Variants in LEPR observed in about 807,000 individuals in gnomAD.
The protein encoded by LEPR is OB receptor.
A neutral mutation model predicts 114.7 loss-of-function variants in LEPR; 56 were observed. The ratio of observed to expected loss-of-function variants is 0.49; its 90% CI spans 0.39 to 0.61. The LOEUF (loss-of-function observed/expected upper bound fraction) is 0.61, where lower values mean the gene tolerates loss of function less well. Among genes scored for constraint, LEPR ranks in the 20% least tolerant of loss-of-function variants. The pLI is 0.00. For missense variants in LEPR, 1,202 were observed against 1,352.9 expected (o/e 0.89, Z 1.75); for synonymous variants, 443 against 461.4 (o/e 0.96, Z 0.51).
chr1:65,615,918 A>G, intron 14 of LEPR, 90 bp from the exon 15 acceptor site: 1 of 1,558,362 alleles, frequency 6.4e-7, no homozygotes, highest in Non-Finnish European at 8.8e-7. Flanking sequence ...CTGCCTCCTA[A>G]TAAGAAATGT....
At chr1:65,630,419 A>AG (rs1421159705) in intron 19 of LEPR, 1 of 140,100 alleles carries the variant, frequency 7.1e-6, no homozygotes, top group Non-Finnish European at 1.5e-5. Flanking sequence ...ATAAAAAAAA[A>AG]AAAGAAAGAA....
At chr1:65,466,440 G>T (rs1199334255) in intron 2 of LEPR, among the ~76,000 whole-genome samples, 1 of 152,108 alleles carries the variant, frequency 6.6e-6, no homozygotes. Flanking sequence ...TGACCTTTCT[G>T]TCTGGCTGCC....
intron 19 of LEPR, chr1:65,634,704 T>C (rs1658653148): frequency 6.3e-6 from 6 of 957,346 alleles, no homozygotes; most frequent in Non-Finnish European, 7.5e-6. Flanking sequence ...TATGGTTTTT[T>C]TGTATGTATT....
chr1:65,433,515 A>G (rs1646516667), intron 2 of LEPR: 2 of 985,344 alleles, frequency 2.0e-6, no homozygotes, highest in Non-Finnish European at 2.4e-6. Context: ...AAACTGAAAT[A>G]CATTCAAAAC....
chr1:65,545,871 A>T (rs1478733176), intron 2 of LEPR, among the ~76,000 whole-genome samples: 1 of 151,750 alleles, frequency 6.6e-6, no homozygotes, highest in Non-Finnish European at 1.5e-5. Flanking sequence ...TTTAGACATG[A>T]AGTCCTTGCC....
chr1:65,439,009 G>T (rs928187840), intron 2 of LEPR, among the ~76,000 whole-genome samples: 2 of 152,124 alleles, frequency 1.3e-5, no homozygotes, highest in African/African-American at 4.8e-5. Flanking sequence ...TTTTAACCAG[G>T]TTAAAATATT....
Position 65,636,279 on chromosome 1 carries a change from A to G in LEPR, c.2762A>G (p.Asp921Gly). The G allele has an allele frequency of 1.2e-6, 2 of 1,613,972 alleles. No homozygotes were observed. The highest frequency in any genetic ancestry group is 8.5e-7 in the Non-Finnish European group (1 of 1,179,914). ...TTGGAGCCTGAAACAATTTCAGAAGATATCAGTGTTGATACATCATGGAAA... is the reference window on the plus strand; with the variant it reads ...TTGGAGCCTGAAACAATTTCAGAAGGTATCAGTGTTGATACATCATGGAAA... ...LLLEPETISE[D>G]ISVDTSWKNK... Residue 921 changes from aspartate (D) to glycine (G), a missense_variant, in exon 20 of 20, where the codon GAT becomes GGT. Asp to Gly is a moderately conservative substitution (Grantham distance 94). Coordinates refer to ENST00000349533, the MANE Select transcript of LEPR (RefSeq NM_002303.6).
intron 11 of LEPR, 35 bp downstream of exon 11, chr1:65,605,272 AGCAGATTTGTAT>A (rs771416749): frequency 6.2e-7 from 1 of 1,610,872 alleles, no homozygotes; most frequent in Middle Eastern, 1.7e-4. Context: ...CATTTGTGTT[AGCAGATTTGTAT>A]GCAGATTGAT....
At chr1:65,440,284 TAATTA>T (rs1271475498) in intron 2 of LEPR, among the ~76,000 whole-genome samples, 2 of 151,828 alleles carry the variant, frequency 1.3e-5, no homozygotes, top group African/African-American at 4.8e-5. Flanking sequence ...GTGCTCAACA[TAATTA>T]TATTATTCTA....
chr1:65,490,557 G>A lies in LEPR; in HGVS notation c.-21+65179G>A, dbSNP rs141548749. Among the ~76,000 whole-genome samples, 249 of 152,072 alleles carry A rather than the reference G, an allele frequency of 1.6e-3. 1 individual carries two copies. The Middle Eastern group carries it at 0.02, about 12-fold the overall frequency. On this transcript the variant is annotated intron_variant, in intron 2 of 19. Coordinates refer to ENST00000349533, the MANE Select transcript of LEPR (RefSeq NM_002303.6). ...CTGTGGGTTTTCTGAACTTTTCCCCGTTCAATCCTAGTGGTTTCAATCTGG... is the reference window on the plus strand; with the variant it reads ...CTGTGGGTTTTCTGAACTTTTCCCCATTCAATCCTAGTGGTTTCAATCTGG...
At chr1:65,548,142 T>G (rs1164900064) in intron 2 of LEPR, among the ~76,000 whole-genome samples, 2 of 152,192 alleles carry the variant, frequency 1.3e-5, no homozygotes, top group Admixed American at 1.3e-4. Flanking sequence ...GAATCCTCAG[T>G]TCTAGTTTGA....
In LEPR at chr1:65,605,027, A is replaced by G. The variant is rs780073298; in HGVS notation, c.1404-11A>G. On this transcript the variant is annotated splice_polypyrimidine_tract_variant and intron_variant, in intron 10 of 19. Transcript: ENST00000349533. The stretch of plus-strand genomic sequence containing the variant: ...ATGTATACTAATTGACTATTTTTGT[A>G]TCTTTTAAAGGAGCAGCCTTTACTG... 2 of 1,611,108 alleles carry G rather than the reference A, an allele frequency of 1.2e-6. No homozygotes were observed. Among genetic ancestry groups the G allele is most frequent in the Non-Finnish European group, 1.7e-6 (2 of 1,179,850 alleles).
intron 19 of LEPR, chr1:65,623,358 A>G (rs1355839324): frequency 6.3e-6 from 1 of 158,186 alleles, no homozygotes; most frequent in Non-Finnish European, 1.4e-5. Context: ...AATGTCTATA[A>G]TTATCTCCAT....
chr1:65,455,957 G>C (rs951211251), intron 2 of LEPR, among the ~76,000 whole-genome samples: 2 of 152,164 alleles, frequency 1.3e-5, no homozygotes, highest in African/African-American at 2.4e-5. Flanking sequence ...AGGACCCTCC[G>C]AGCCAGGTGC....
intron 2 of LEPR, among the ~76,000 whole-genome samples, chr1:65,441,137 A>T (rs1570454779): frequency 6.6e-6 from 1 of 152,250 alleles, no homozygotes; most frequent in East Asian, 1.9e-4. Flanking sequence ...TCATGAAAAC[A>T]TGTTTTCAAT....
At chr1:65,534,290 G>A (rs1243275995) in intron 2 of LEPR, among the ~76,000 whole-genome samples, 1 of 152,058 alleles carries the variant, frequency 6.6e-6, no homozygotes, top group Non-Finnish European at 1.5e-5. Context: ...TACTGTGGAA[G>A]TTACCATATG....
In LEPR at chr1:65,586,385, C is replaced by T. The variant is rs72683105; in HGVS notation, c.495-6272C>T. Among the ~76,000 whole-genome samples, 883 of 152,094 alleles carry T rather than the reference C, an allele frequency of 5.8e-3. 11 individuals are homozygous for T. Among genetic ancestry groups the T allele is most frequent in the Admixed American group, 9.8e-3 (149 of 15,258 alleles). ...TTTTGTGTCCTTTGCCCATCAAATACCCACCAGTAGGGAGTACAAAATACT... is the reference window on the plus strand; with the variant it reads ...TTTTGTGTCCTTTGCCCATCAAATATCCACCAGTAGGGAGTACAAAATACT... On this transcript the variant is annotated intron_variant, in intron 5 of 19. Coordinates refer to ENST00000349533, the MANE Select transcript of LEPR (RefSeq NM_002303.6).
rs1658766406 is a variant in LEPR, at chr1:65,637,928, A to G, written c.*913A>G. On this transcript the variant is annotated 3_prime_UTR_variant, in exon 20 of 20. Coordinates refer to ENST00000349533, the MANE Select transcript of LEPR (RefSeq NM_002303.6). ...TGAAGACAGTAAATAATTTGCCCAC[A>G]GTTACAGTCAGTGGGTGATGGAATC... 1.3e-5 allele frequency: 2 copies of G among 152,220 alleles called. No individual in the cohort carries two copies. Among genetic ancestry groups the G allele is most frequent in the African/African-American group, 4.8e-5 (2 of 41,462 alleles). The allele number at this position is 152,220 out of a possible 1,614,324, so 9.4% of individuals were successfully genotyped here. A position where few individuals can be genotyped will look rare whatever the true frequency, so the allele number is the denominator to read the frequency against.
chr1:65,463,695 T>G (rs946648934), intron 2 of LEPR, among the ~76,000 whole-genome samples: 16 of 152,222 alleles, frequency 1.1e-4, no homozygotes, highest in African/African-American at 3.9e-4. Context: ...CTCTTTTATT[T>G]CATTGAGCAG....
Sources: allele counts gnomAD v4.1 joint callset (sites outside exome capture counted in the v4.1 genomes callset), GRCh38; gene constraint gnomAD v4.1.1; transcripts MANE v1.5; gene names NCBI Gene and HGNC (gene_info 2026-07-23, HGNC 2026-07-21).